RBFOX1: variants seen among roughly 807,000 people sequenced by gnomAD.
RBFOX1 encodes RNA binding protein fox-1 homolog 1.
RBFOX1 carries 8 observed loss-of-function variants against 57.7 expected under a neutral mutation model. The ratio of observed to expected loss-of-function variants is 0.14; its 90% CI spans 0.08 to 0.25. RBFOX1 has a LOEUF of 0.25. Ranked by LOEUF, RBFOX1 falls within the 10% of genes least tolerant of loss-of-function variation. The probability of loss-of-function intolerance (pLI) is 1.00; values close to 1 mark genes in which losing one functional copy is unlikely to be tolerated. For synonymous variants in RBFOX1, 326 were observed against 222.4 expected, an observed-to-expected ratio of 1.47 and a Z score of -4.15; for missense variants, 611 against 548.5, an observed-to-expected ratio of 1.11 and a Z score of -1.14.
intron 2 of RBFOX1, among the ~76,000 whole-genome samples, chr16:6,539,610 C>G (rs916086987): frequency 1.3e-5 from 2 of 152,074 alleles, no homozygotes; most frequent in Non-Finnish European, 2.9e-5. Flanking sequence ...CCAGCCTGCC[C>G]TACATGGTGG....
intron 1 of RBFOX1, chr16:6,038,550 A>C (rs1286728013): frequency 2.9e-5 from 4 of 139,090 alleles, no homozygotes; most frequent in South Asian, 2.2e-4. Flanking sequence ...ATATATATAT[A>C]TCATCCATAT....
chr16:6,437,212 T>C (rs2094260452), intron 2 of RBFOX1, among the ~76,000 whole-genome samples: 1 of 152,230 alleles, frequency 6.6e-6, no homozygotes. Context: ...CAATCAGGAA[T>C]GAGCGTCCAC....
At chr16:6,188,418 CAAAAAA>C (rs57875210) in intron 1 of RBFOX1, among the ~76,000 whole-genome samples, 6 of 124,140 alleles carry the variant, frequency 4.8e-5, no homozygotes, top group African/African-American at 5.7e-5. Flanking sequence ...TTGTTTTAGC[CAAAAAA>C]AAAAAAAAAA....
chr16:6,247,061 A>T (rs1448916293), intron 1 of RBFOX1, among the ~76,000 whole-genome samples: 2 of 152,092 alleles, frequency 1.3e-5, no homozygotes, highest in Non-Finnish European at 2.9e-5. Flanking sequence ...CAAGAGTGGA[A>T]CTCCATCTCA....
At chr16:5,610,024 T>C (rs2047718892) in intron 3 of RBFOX1, among the ~76,000 whole-genome samples, 2 of 152,224 alleles carry the variant, frequency 1.3e-5, no homozygotes, top group Admixed American at 1.3e-4. Flanking sequence ...TCTTCTTTTC[T>C]TTGCTTTGAT....
chr16:7,124,192 G>A (rs879435633), intron 4 of RBFOX1, among the ~76,000 whole-genome samples: 13 of 152,076 alleles, frequency 8.5e-5, no homozygotes, highest in Non-Finnish European at 1.5e-4. Flanking sequence ...ACAGCACTTC[G>A]GGAGGCCAAG....
chr16:6,003,523 A>G (rs12598783), intron 4 of RBFOX1, among the ~76,000 whole-genome samples: 10,106 of 138,626 alleles, frequency 0.073, 678 homozygotes, highest in East Asian at 0.37. Context: ...GGATGACTTC[A>G]TTGACAGGAG....
intron 5 of RBFOX1, among the ~76,000 whole-genome samples, chr16:7,555,731 G>T (rs142586019): frequency 2.8e-4 from 42 of 152,202 alleles, no homozygotes; most frequent in African/African-American, 1.0e-3. Flanking sequence ...ATTATTGCCT[G>T]AGCTCTCCCT....
chr16:7,282,620 G>C (rs1174893957), intron 4 of RBFOX1, among the ~76,000 whole-genome samples: 2 of 151,986 alleles, frequency 1.3e-5, no homozygotes, highest in African/African-American at 4.8e-5. Flanking sequence ...GGGGGAACAG[G>C]TGGTGTTTGA....
At chr16:5,468,938 G>A (rs903032699) in intron 2 of RBFOX1, among the ~76,000 whole-genome samples, 1 of 152,214 alleles carries the variant, frequency 6.6e-6, no homozygotes, top group Non-Finnish European at 1.5e-5. Context: ...AGCTTCTGGG[G>A]CTGGGAACTG....
At chr16:5,852,483 A>G (rs1186083506) in intron 3 of RBFOX1, among the ~76,000 whole-genome samples, 1 of 152,182 alleles carries the variant, frequency 6.6e-6, no homozygotes, top group Non-Finnish European at 1.5e-5. Flanking sequence ...GTGCACTTTT[A>G]TACCATCGTC....
chr16:5,389,049 G>A (rs2066332050), intron 1 of RBFOX1, among the ~76,000 whole-genome samples: 1 of 151,500 alleles, frequency 6.6e-6, no homozygotes, highest in Non-Finnish European at 1.5e-5. Flanking sequence ...AAATTAGCCT[G>A]GCGTGGTGGC....
chr16:5,804,868 C>T (rs1009110759), intron 3 of RBFOX1, among the ~76,000 whole-genome samples: 5 of 152,124 alleles, frequency 3.3e-5, no homozygotes, highest in African/African-American at 9.7e-5. Flanking sequence ...TTGTGCAGGG[C>T]AGCTCTGATG....
chr16:7,333,935 C>T (rs1052039898), intron 4 of RBFOX1, among the ~76,000 whole-genome samples: 1 of 152,118 alleles, frequency 6.6e-6, no homozygotes, highest in Non-Finnish European at 1.5e-5. Context: ...TGAGTATAAT[C>T]ATCCCTTTGC....
At chr16:6,618,359 A>G (rs747236414) in intron 2 of RBFOX1, among the ~76,000 whole-genome samples, 18 of 152,254 alleles carry the variant, frequency 1.2e-4, no homozygotes, top group East Asian at 1.9e-4. Flanking sequence ...ATATAAAGCC[A>G]TTCAGTATGC....
chr16:6,509,779 C>G (rs1273819075), intron 2 of RBFOX1, among the ~76,000 whole-genome samples: 3 of 152,096 alleles, frequency 2.0e-5, no homozygotes, highest in African/African-American at 7.2e-5. Flanking sequence ...CAGATCTGTA[C>G]CAAAATATCT....
intron 2 of RBFOX1, among the ~76,000 whole-genome samples, chr16:6,541,962 A>G (rs1392951303): frequency 6.6e-6 from 1 of 151,298 alleles, no homozygotes; most frequent in Admixed American, 6.6e-5. Context: ...TTTTTTAATT[A>G]AAGAGATTAG....
At chr16:7,308,441 C>T (rs1197552167) in intron 4 of RBFOX1, among the ~76,000 whole-genome samples, 1 of 152,122 alleles carries the variant, frequency 6.6e-6, no homozygotes, top group Non-Finnish European at 1.5e-5. Flanking sequence ...CCACTGAGAA[C>T]CTTTTTATCA....
At chr16:5,930,758 A>T in intron 4 of RBFOX1, among the ~76,000 whole-genome samples, 1 of 63,082 alleles carries the variant, frequency 1.6e-5, no homozygotes, top group Non-Finnish European at 2.9e-5. Flanking sequence ...GGATGGATGC[A>T]TGGATGGATG....
Sources: gnomAD v4.1 joint callset for allele counts (sites outside exome capture counted in the v4.1 genomes callset) on GRCh38, gnomAD v4.1.1 for gene constraint, MANE v1.5 for transcripts, NCBI Gene and HGNC (gene_info 2026-07-23, HGNC 2026-07-21) for gene names.